The following TRAF3 variants were observed in gnomAD, a reference collection of about 807,000 sequenced individuals.
The protein encoded by TRAF3 is TNF receptor associated factor 3.
In TRAF3, 13 loss-of-function variants were observed where a neutral mutation model predicts 62.3. The ratio of observed to expected loss-of-function variants is 0.21; its 90% CI spans 0.14 to 0.33. The LOEUF is 0.33. TRAF3 is among the 10% of genes least tolerant of loss of function. TRAF3 has a pLI of 1.00. For synonymous variants in TRAF3, 269 were observed against 283.4 expected (o/e 0.95, Z 0.51); for missense variants, 440 against 741.8 (o/e 0.59, Z 4.73).
chr14:102,839,847 C>T (rs1432055036), intron 2 of TRAF3, among the ~76,000 whole-genome samples: 1 of 152,160 alleles, frequency 6.6e-6, no homozygotes, highest in Non-Finnish European at 1.5e-5. Flanking sequence ...CATGTACATT[C>T]CCTACTGTTA....
At chr14:102,843,897 T>C (rs1886536236) in intron 2 of TRAF3, among the ~76,000 whole-genome samples, 1 of 151,906 alleles carries the variant, frequency 6.6e-6, no homozygotes, top group South Asian at 2.1e-4. Flanking sequence ...TGAAATGAAA[T>C]GAAAAAGGTG....
At chr14:102,858,483 C>G (rs1256268618) in intron 2 of TRAF3, among the ~76,000 whole-genome samples, 1 of 151,968 alleles carries the variant, frequency 6.6e-6, no homozygotes, top group Non-Finnish European at 1.5e-5. Context: ...TCACAATCTC[C>G]AAAGTTATTA....
At chr14:102,892,795 G>A (rs866281223) in intron 9 of TRAF3, among the ~76,000 whole-genome samples, 1 of 152,170 alleles carries the variant, frequency 6.6e-6, no homozygotes, top group African/African-American at 2.4e-5. Context: ...TCATGTAAAT[G>A]CGTGAGCTGA....
intron 2 of TRAF3, among the ~76,000 whole-genome samples, 200 bp from the exon 3 acceptor site, chr14:102,869,985 A>C (rs565383923): frequency 1.3e-5 from 2 of 151,980 alleles, no homozygotes; most frequent in Non-Finnish European, 2.9e-5. Flanking sequence ...ATCAATAGTT[A>C]CTATGTGTTT....
chr14:102,784,117 C>T (rs897335151), intron 1 of TRAF3, among the ~76,000 whole-genome samples: 1 of 151,856 alleles, frequency 6.6e-6, no homozygotes, highest in Admixed American at 6.6e-5. Flanking sequence ...GTAATTCTCC[C>T]AAGGCAAATA....
intron 1 of TRAF3, among the ~76,000 whole-genome samples, chr14:102,788,292 C>G (rs1245530080): frequency 4.6e-5 from 7 of 152,180 alleles, no homozygotes; most frequent in Non-Finnish European, 1.0e-4. Flanking sequence ...ACATAACATA[C>G]AATTAAGCAT....
intron 2 of TRAF3, among the ~76,000 whole-genome samples, chr14:102,834,789 A>C (rs1885889003): frequency 6.6e-6 from 1 of 152,114 alleles, no homozygotes; most frequent in Admixed American, 6.5e-5. Flanking sequence ...CCAAAACTAT[A>C]AAAACCCTGC....
chr14:102,880,909 C>G (rs1595390508), intron 6 of TRAF3, among the ~76,000 whole-genome samples: 1 of 152,102 alleles, frequency 6.6e-6, no homozygotes, highest in Non-Finnish European at 1.5e-5. Context: ...GAAACCCCAT[C>G]TCTATTAAAA....
At chr14:102,904,932 C>T (rs900022611) in intron 11 of TRAF3, among the ~76,000 whole-genome samples, 5 of 151,574 alleles carry the variant, frequency 3.3e-5, no homozygotes, top group African/African-American at 9.7e-5. Flanking sequence ...GCCAACATGG[C>T]GAAACCCTGT....
At chr14:102,871,849 C>T in intron 3 of TRAF3, 68 bp from the exon 4 acceptor site, 1 of 1,485,188 alleles carries the variant, frequency 6.7e-7, no homozygotes, top group South Asian at 1.1e-5. Flanking sequence ...TGAATGCTCC[C>T]AGAATCTCCT....
Position 102,906,105 on chromosome 14 carries a change from T to A in TRAF3, c.*321T>A. On this transcript the variant is annotated 3_prime_UTR_variant, in exon 12 of 12. Coordinates refer to ENST00000392745, the MANE Select transcript of TRAF3 (RefSeq NM_145725.3). ...ATATGCTAAACAAAAGAAACATGAT[T>A]TTTCTTCCTTAAACTTGAACACCAA... 1 of 234,484 alleles carries A rather than the reference T, an allele frequency of 4.3e-6. No individual in the cohort carries two copies. The highest frequency in any genetic ancestry group is 1.0e-4 in the South Asian group (1 of 9,822). 14.5% of individuals were successfully genotyped at this position (234,484 alleles called of 1,614,324 possible).
intron 2 of TRAF3, among the ~76,000 whole-genome samples, chr14:102,867,784 G>T (rs1039893562): frequency 2.6e-5 from 4 of 152,170 alleles, no homozygotes; most frequent in South Asian, 2.1e-4. Context: ...GTAAGCAAAT[G>T]ACATCTATAA....
At chr14:102,821,974 G>A (rs1282247535) in intron 1 of TRAF3, among the ~76,000 whole-genome samples, 4 of 152,124 alleles carry the variant, frequency 2.6e-5, no homozygotes, top group South Asian at 2.1e-4. Context: ...CCCTGGAGGC[G>A]GAGGTTGCAG....
intron 1 of TRAF3, among the ~76,000 whole-genome samples, chr14:102,825,336 C>T (rs776700200): frequency 6.2e-4 from 94 of 152,210 alleles, no homozygotes; most frequent in Non-Finnish European, 1.1e-3. Flanking sequence ...ACCTGGCACC[C>T]GTGCACCAAA....
chr14:102,869,365 C>T (rs1888194431), intron 2 of TRAF3, among the ~76,000 whole-genome samples: 1 of 152,200 alleles, frequency 6.6e-6, no homozygotes, highest in African/African-American at 2.4e-5. Context: ...TGAGACTCAT[C>T]TAGCGGAAGT....
chr14:102,883,050 A>G (rs1889158323), intron 6 of TRAF3, among the ~76,000 whole-genome samples: 1 of 152,224 alleles, frequency 6.6e-6, no homozygotes, highest in Non-Finnish European at 1.5e-5. Context: ...AACTGTCAGT[A>G]TCCTACTAGG....
intron 2 of TRAF3, among the ~76,000 whole-genome samples, chr14:102,848,939 C>T (rs1386239834): frequency 6.6e-6 from 1 of 152,086 alleles, no homozygotes; most frequent in Admixed American, 6.6e-5. Context: ...GATGTGAGAT[C>T]CAGTGTTGTT....
intron 1 of TRAF3, among the ~76,000 whole-genome samples, chr14:102,829,571 T>C (rs2139621621): frequency 6.6e-6 from 1 of 152,312 alleles, no homozygotes; most frequent in South Asian, 2.1e-4. Context: ...ATGCATGATG[T>C]CTCCAAAAGC....
At chr14:102,797,988 C>T (rs551639206) in intron 1 of TRAF3, among the ~76,000 whole-genome samples, 38 of 152,184 alleles carry the variant, frequency 2.5e-4, no homozygotes, top group African/African-American at 8.4e-4. Context: ...CTACCTGCCT[C>T]GGCCTCTCAG....
Sources: allele counts gnomAD v4.1 joint callset (sites outside exome capture counted in the v4.1 genomes callset), GRCh38; gene constraint gnomAD v4.1.1; transcripts MANE v1.5; gene names NCBI Gene and HGNC (gene_info 2026-07-23, HGNC 2026-07-21).